MAD1L1: variants seen among roughly 807,000 people sequenced by gnomAD.
The protein encoded by MAD1L1 is mitotic arrest deficient 1 like 1, also known as mitotic spindle assembly checkpoint protein MAD1.
MAD1L1 carries 95 observed loss-of-function variants against 96.9 expected under a neutral mutation model. The observed-to-expected ratio is 0.98, with a 90% confidence interval of 0.83 to 1.16. The LOEUF (loss-of-function observed/expected upper bound fraction) is 1.16. Ranked by LOEUF, MAD1L1 falls within the 50% of genes most tolerant of loss-of-function variation. MAD1L1 has a pLI of 0.00. For missense variants in MAD1L1, 1,007 were observed against 954.4 expected, an observed-to-expected ratio of 1.06 and a Z score of -0.73; for synonymous variants, 473 against 396.6, an observed-to-expected ratio of 1.19 and a Z score of -2.29.
At chr7:1,945,121 G>A (rs1267426368) in intron 16 of MAD1L1, among the ~76,000 whole-genome samples, 2 of 152,206 alleles carry the variant, frequency 1.3e-5, no homozygotes, top group Non-Finnish European at 2.9e-5. Context: ...GAGCAGGGAA[G>A]CAGCACGGTG....
intron 10 of MAD1L1, among the ~76,000 whole-genome samples, chr7:2,181,071 C>T (rs1413057029): frequency 6.6e-6 from 1 of 152,230 alleles, no homozygotes; most frequent in African/African-American, 2.4e-5. Flanking sequence ...TGCCGGTGAG[C>T]TTATCTACCA....
chr7:2,191,717 C>T (rs1791727389), intron 10 of MAD1L1, among the ~76,000 whole-genome samples: 1 of 151,910 alleles, frequency 6.6e-6, no homozygotes, highest in African/African-American at 2.4e-5. Flanking sequence ...GGCCACAAAG[C>T]AAGACTCTGT....
chr7:1,913,346 G>A (rs932828217), intron 17 of MAD1L1, among the ~76,000 whole-genome samples: 10 of 152,132 alleles, frequency 6.6e-5, no homozygotes, highest in Admixed American at 1.3e-4. Context: ...CACTCCACCC[G>A]GAGGAAGCGG....
intron 18 of MAD1L1, among the ~76,000 whole-genome samples, chr7:1,817,926 C>T (rs1757257598): frequency 6.6e-6 from 1 of 151,976 alleles, no homozygotes. Context: ...CCCCAGAGGC[C>T]CTGCGACCTG....
chr7:1,852,727 G>A (rs1448096352), intron 18 of MAD1L1, among the ~76,000 whole-genome samples: 2 of 151,972 alleles, frequency 1.3e-5, no homozygotes, highest in Non-Finnish European at 1.5e-5. Flanking sequence ...CCCGGTGTCG[G>A]CACAGGCCTT....
intron 18 of MAD1L1, among the ~76,000 whole-genome samples, chr7:1,886,277 A>C (rs1786020386): frequency 6.6e-6 from 1 of 152,244 alleles, no homozygotes; most frequent in Non-Finnish European, 1.5e-5. Context: ...GTGCAAGATC[A>C]GTGCACGGGA....
intron 18 of MAD1L1, among the ~76,000 whole-genome samples, chr7:1,887,700 T>C (rs1275479856): frequency 6.6e-6 from 1 of 150,606 alleles, no homozygotes; most frequent in Non-Finnish European, 1.5e-5. Context: ...TGGCTGTGCA[T>C]GCATAGGCAT....
At chr7:1,820,402 AG>A (rs748799610) in intron 18 of MAD1L1, among the ~76,000 whole-genome samples, 2 of 152,172 alleles carry the variant, frequency 1.3e-5, no homozygotes, top group South Asian at 2.1e-4. Flanking sequence ...AAGCAGGAGG[AG>A]GAAATAATAC....
intron 10 of MAD1L1, among the ~76,000 whole-genome samples, chr7:2,182,046 G>A (rs575250207): frequency 6.6e-6 from 1 of 151,948 alleles, no homozygotes; most frequent in South Asian, 2.1e-4. Context: ...TCAGGTGACA[G>A]GTGCACCAAA....
chr7:1,939,211 C>T (rs1377452204), intron 16 of MAD1L1, among the ~76,000 whole-genome samples: 1 of 140,156 alleles, frequency 7.1e-6, no homozygotes, highest in African/African-American at 2.7e-5. Flanking sequence ...CACACACACA[C>T]ACACGGGCCA....
At chr7:2,006,162 C>A (rs1263878259) in intron 13 of MAD1L1, among the ~76,000 whole-genome samples, 3 of 152,254 alleles carry the variant, frequency 2.0e-5, no homozygotes, top group Admixed American at 2.0e-4. Flanking sequence ...CTCCTAAGAA[C>A]AGAGCCATGG....
intron 13 of MAD1L1, among the ~76,000 whole-genome samples, chr7:2,011,409 A>C (rs1292073026): frequency 6.6e-6 from 1 of 152,142 alleles, no homozygotes; most frequent in African/African-American, 2.4e-5. Flanking sequence ...TAGTTCCCAG[A>C]GTTGGGGCCA....
At chr7:1,866,555 A>G (rs1784788214) in intron 18 of MAD1L1, among the ~76,000 whole-genome samples, 1 of 152,194 alleles carries the variant, frequency 6.6e-6, no homozygotes, top group Non-Finnish European at 1.5e-5. Flanking sequence ...TAAGTGGGGA[A>G]GAGGAGGCTC....
At chr7:1,876,460 T>G (rs948765791) in intron 18 of MAD1L1, among the ~76,000 whole-genome samples, 26 of 151,316 alleles carry the variant, frequency 1.7e-4, no homozygotes, top group Admixed American at 1.7e-3. Flanking sequence ...TGGTTAGGGC[T>G]TTATGGAGTC....
At chr7:1,881,431 C>A (rs1252397117) in intron 18 of MAD1L1, among the ~76,000 whole-genome samples, 1 of 152,168 alleles carries the variant, frequency 6.6e-6, no homozygotes, top group Non-Finnish European at 1.5e-5. Flanking sequence ...AATCAATCTA[C>A]GAGGACCCTA....
intron 12 of MAD1L1, among the ~76,000 whole-genome samples, chr7:2,042,651 T>C (rs1308813264): frequency 6.6e-6 from 1 of 151,156 alleles, no homozygotes; most frequent in African/African-American, 2.4e-5. Flanking sequence ...GAGTGAGGAG[T>C]GTTGTTGGAA....
chr7:1,840,970 C>T (rs1405683280), intron 18 of MAD1L1, among the ~76,000 whole-genome samples: 2 of 152,226 alleles, frequency 1.3e-5, no homozygotes, highest in Non-Finnish European at 2.9e-5. Context: ...AGGTGGTCCC[C>T]GTGCGTTTGC....
chr7:1,833,843 A>C (rs900116863), intron 18 of MAD1L1, among the ~76,000 whole-genome samples: 2 of 152,198 alleles, frequency 1.3e-5, no homozygotes, highest in Non-Finnish European at 2.9e-5. Context: ...CGGGAGGCTG[A>C]GGTAGGAGGC....
intron 18 of MAD1L1, among the ~76,000 whole-genome samples, chr7:1,831,026 T>C (rs1413524600): frequency 6.6e-6 from 1 of 152,274 alleles, no homozygotes; most frequent in Middle Eastern, 3.2e-3. Flanking sequence ...ACGCAGTAGA[T>C]TAAAAGTAAC....
Sources: gnomAD v4.1 joint callset for allele counts (sites outside exome capture counted in the v4.1 genomes callset) on GRCh38, gnomAD v4.1.1 for gene constraint, MANE v1.5 for transcripts, NCBI Gene and HGNC (gene_info 2026-07-23, HGNC 2026-07-21) for gene names.